The following SERPINB12 variants were observed in gnomAD, a reference collection of about 807,000 sequenced individuals.
The protein encoded by SERPINB12 is serpin B12.
In SERPINB12, 57 loss-of-function variants were observed where a neutral mutation model predicts 41.1. That is an observed-to-expected ratio of 1.39 (90% CI 1.12 to 1.73). The LOEUF (loss-of-function observed/expected upper bound fraction) is 1.73. Ranked by LOEUF, SERPINB12 falls within the 40% of genes most tolerant of loss-of-function variation. SERPINB12 has a pLI of 0.00. For missense variants in SERPINB12, 536 were observed against 501.9 expected, an observed-to-expected ratio of 1.07 and a Z score of -0.65; for synonymous variants, 180 against 181.3, an observed-to-expected ratio of 0.99 and a Z score of 0.06.
At chr18:63,552,978 G>GT (rs201393028) in intron 1 of SERPINB12, among the ~76,000 whole-genome samples, 1,900 of 150,340 alleles carry the variant, frequency 0.013, 29 homozygotes, top group Admixed American at 0.037. Context: ...CTGTCCAGCT[G>GT]TTTTTTTTTC....
At chr18:63,559,056 T>TTCTTTCTTTCTTTCTC (rs1291872713) in intron 3 of SERPINB12, among the ~76,000 whole-genome samples, 1 of 87,092 alleles carries the variant, frequency 1.1e-5, no homozygotes, top group Non-Finnish European at 3.1e-5. Context: ...CTTTCTTTCT[T>TTCTTTCTTTCTTTCTC]TCTCTCCTTC....
At chr18:63,523,244 T>C in the SERPINB12 span, among the ~76,000 whole-genome samples, 3 of 152,208 alleles carry the variant, frequency 2.0e-5, no homozygotes, top group Non-Finnish European at 4.4e-5. Flanking sequence ...CAAAAGACTT[T>C]AGAAGCAAAT....
intron 4 of SERPINB12, among the ~76,000 whole-genome samples, chr18:63,560,717 G>A (rs1308062992): frequency 1.3e-5 from 2 of 151,820 alleles, no homozygotes; most frequent in African/African-American, 4.8e-5. Context: ...ACCATTAAGC[G>A]GGAGTTTAAT....
chr18:63,548,016 T>C (rs1001779482), intron 1 of SERPINB12, among the ~76,000 whole-genome samples: 2 of 152,156 alleles, frequency 1.3e-5, no homozygotes, highest in Non-Finnish European at 2.9e-5. Flanking sequence ...ACACTGAACC[T>C]ACCTTCAAGA....
Position 63,567,093 on chromosome 18 carries a change from T to C in SERPINB12, c.*82T>C, listed in dbSNP as rs754311793. 184 of 1,370,946 alleles carry C rather than the reference T, an allele frequency of 1.3e-4. No homozygotes were observed. Among genetic ancestry groups the C allele is most frequent in the Non-Finnish European group, 1.7e-4 (175 of 1,011,072 alleles). 84.9% of individuals were successfully genotyped at this position (1,370,946 alleles called of 1,614,324 possible). ...CCTGGCATAAGATGGGCATTTGAGT[T>C]TTTGGTAATATCTAAAGCATCTCCT... On this transcript the variant is annotated 3_prime_UTR_variant, in exon 8 of 8. Transcript: ENST00000382768.
chr18:63,555,545 C>G (rs562261992), intron 1 of SERPINB12, among the ~76,000 whole-genome samples: 1 of 152,134 alleles, frequency 6.6e-6, no homozygotes, highest in Non-Finnish European at 1.5e-5. Context: ...GTGAATATGA[C>G]CTTGTTTGGA....
intron 1 of SERPINB12, among the ~76,000 whole-genome samples, chr18:63,553,404 A>G (rs532880327): frequency 4.6e-5 from 7 of 152,146 alleles, no homozygotes; most frequent in African/African-American, 7.2e-5. Context: ...GTTGGCCTGC[A>G]TGAGTAGTCA....
At position 63,551,320 on chromosome 18, in the gene SERPINB12, A is replaced by G. The variant is rs922523600; in HGVS notation, c.-18-4822A>G. Among the ~76,000 whole-genome samples, 4 of 151,924 alleles carry G rather than the reference A, an allele frequency of 2.6e-5. No homozygotes were observed. The South Asian group carries it at 6.2e-4, about 24-fold the overall frequency. ...AACAAAAAAAAGAAAGTTTTCAGGT[A>G]TGATTTCTTTTTTTTCTTTTTTGAG... On this transcript the variant is annotated intron_variant, in intron 1 of 7. Transcript: ENST00000382768.
the SERPINB12 span, among the ~76,000 whole-genome samples, chr18:63,526,907 G>C: frequency 6.6e-6 from 1 of 152,078 alleles, no homozygotes. Context: ...ATATCGTATT[G>C]CCTGTTGCTA....
At chr18:63,540,166 G>C (rs1255218347), upstream of SERPINB12, among the ~76,000 whole-genome samples, 2 of 152,138 alleles carry the variant, frequency 1.3e-5, no homozygotes, top group African/African-American at 4.8e-5. Context: ...GCAAATGAGT[G>C]ATTTATGTTA....
chr18:63,552,342 A>T (rs1022003720), intron 1 of SERPINB12, among the ~76,000 whole-genome samples: 2 of 152,226 alleles, frequency 1.3e-5, no homozygotes, highest in Non-Finnish European at 1.5e-5. Context: ...ATTTTTGATG[A>T]GAACAAGACA....
chr18:63,546,342 CGAT>C (rs995209463), intron 1 of SERPINB12, among the ~76,000 whole-genome samples: 1 of 152,168 alleles, frequency 6.6e-6, no homozygotes, highest in African/African-American at 2.4e-5. Flanking sequence ...TAACATAACA[CGAT>C]TGTAGAGTGC....
At chr18:63,551,181 A>AT (rs911302631) in intron 1 of SERPINB12, among the ~76,000 whole-genome samples, 145 of 151,994 alleles carry the variant, frequency 9.5e-4, no homozygotes, top group African/African-American at 3.4e-3. Context: ...AGACAGGAGA[A>AT]TGGCATGAAC....
chr18:63,523,236 A>G, the SERPINB12 span, among the ~76,000 whole-genome samples: 1 of 152,238 alleles, frequency 6.6e-6, no homozygotes, highest in Non-Finnish European at 1.5e-5. Flanking sequence ...GTGATGTTCA[A>G]AAGACTTTAG....
At chr18:63,537,478 G>A (rs1910196836), upstream of SERPINB12, among the ~76,000 whole-genome samples, 1 of 152,168 alleles carries the variant, frequency 6.6e-6, no homozygotes, top group Non-Finnish European at 1.5e-5. Flanking sequence ...TGACATACCA[G>A]GGGTAATGAT....
chr18:63,530,979 A>G, the SERPINB12 span, among the ~76,000 whole-genome samples: 1 of 152,226 alleles, frequency 6.6e-6, no homozygotes, highest in Non-Finnish European at 1.5e-5. Context: ...AATATAATTA[A>G]TCCTCAAGTG....
At chr18:63,554,009 C>G (rs182086858) in intron 1 of SERPINB12, among the ~76,000 whole-genome samples, 1 of 152,000 alleles carries the variant, frequency 6.6e-6, no homozygotes, top group African/African-American at 2.4e-5. Flanking sequence ...CTATGATTAC[C>G]CTGAAATTAG....
upstream of SERPINB12, among the ~76,000 whole-genome samples, chr18:63,542,012 G>T (rs569753393): frequency 2.1e-4 from 32 of 152,250 alleles, no homozygotes; most frequent in African/African-American, 7.7e-4. Flanking sequence ...TGGGATAGGC[G>T]ATGAAAAATA....
intron 1 of SERPINB12, among the ~76,000 whole-genome samples, chr18:63,544,955 T>TA (rs1349460991): frequency 1.3e-5 from 2 of 152,200 alleles, no homozygotes; most frequent in Non-Finnish European, 2.9e-5. Flanking sequence ...AGCCCCTTTG[T>TA]AATATTTCAA....
Sources: gnomAD v4.1 joint callset for allele counts (sites outside exome capture counted in the v4.1 genomes callset) on GRCh38, gnomAD v4.1.1 for gene constraint, MANE v1.5 for transcripts, NCBI Gene and HGNC (gene_info 2026-07-23, HGNC 2026-07-21) for gene names.